The following RERE variants were observed in gnomAD, a reference collection of about 807,000 sequenced individuals.
The protein encoded by RERE is arginine-glutamic acid dipeptide repeats.
In RERE, 40 loss-of-function variants were observed where a neutral mutation model predicts 146.1. That is an observed-to-expected ratio of 0.27 (90% CI 0.21 to 0.36). The LOEUF (loss-of-function observed/expected upper bound fraction) is 0.36. Ranked by LOEUF, RERE falls within the 10% of genes least tolerant of loss-of-function variation. The pLI, the probability that RERE is intolerant of heterozygous loss-of-function variation, is 1.00. For missense variants in RERE, 1,933 were observed against 2,138.7 expected (o/e 0.90, Z 1.90); for synonymous variants, 1,003 against 866.0 (o/e 1.16, Z -2.78).
At chr1:8,635,264 T>TATGATACAG (rs1647083622) in intron 2 of RERE, among the ~76,000 whole-genome samples, 1 of 152,210 alleles carries the variant, frequency 6.6e-6, no homozygotes, top group African/African-American at 2.4e-5. Context: ...TACAGTGATT[T>TATGATACAG]TGCTTTCTGA....
intron 1 of RERE, among the ~76,000 whole-genome samples, chr1:8,771,984 C>T (rs1361772617): frequency 2.0e-5 from 3 of 150,376 alleles, no homozygotes; most frequent in African/African-American, 7.3e-5. Context: ...AACTCTGCTG[C>T]AAACGCTGTT....
intron 11 of RERE, among the ~76,000 whole-genome samples, chr1:8,448,962 C>T (rs970191717): frequency 6.6e-6 from 1 of 152,106 alleles, no homozygotes; most frequent in Non-Finnish European, 1.5e-5. Context: ...CACAGGAAAC[C>T]TCACGCATGA....
intron 1 of RERE, among the ~76,000 whole-genome samples, chr1:8,721,775 A>G (rs1478687569): frequency 6.6e-6 from 1 of 152,168 alleles, no homozygotes; most frequent in Non-Finnish European, 1.5e-5. Context: ...CTCCTTTCTG[A>G]CTGCTTAAAT....
intron 1 of RERE, among the ~76,000 whole-genome samples, chr1:8,725,284 G>A (rs1639937767): frequency 6.6e-6 from 1 of 152,174 alleles, no homozygotes; most frequent in South Asian, 2.1e-4. Context: ...TAACTATTTT[G>A]GCCGGATGCG....
At chr1:8,778,163 T>C (rs990033879) in intron 1 of RERE, among the ~76,000 whole-genome samples, 4 of 152,216 alleles carry the variant, frequency 2.6e-5, no homozygotes, top group African/African-American at 9.6e-5. Flanking sequence ...ATTTATCTAT[T>C]AGACAGTGAG....
intron 1 of RERE, among the ~76,000 whole-genome samples, chr1:8,668,605 A>G (rs935719341): frequency 3.3e-5 from 5 of 152,224 alleles, no homozygotes; most frequent in Admixed American, 2.6e-4. Context: ...TAGTATACAT[A>G]CACACAATAA....
intron 4 of RERE, among the ~76,000 whole-genome samples, chr1:8,595,539 ATTATT>A (rs1311459668): frequency 2.0e-5 from 3 of 151,440 alleles, no homozygotes; most frequent in African/African-American, 4.8e-5. Flanking sequence ...ATTTTAATGT[ATTATT>A]TTAATTGTAT....
At chr1:8,648,847 G>A (rs1647452354) in intron 2 of RERE, among the ~76,000 whole-genome samples, 1 of 151,560 alleles carries the variant, frequency 6.6e-6, no homozygotes, top group African/African-American at 2.4e-5. Flanking sequence ...GGACTATAGG[G>A]TAAATAGGAC....
At chr1:8,683,154 G>T (rs578207188) in intron 1 of RERE, among the ~76,000 whole-genome samples, 1 of 151,350 alleles carries the variant, frequency 6.6e-6, no homozygotes, top group African/African-American at 2.4e-5. Context: ...CCAAATGCCT[G>T]AAGAATTAAT....
intron 1 of RERE, among the ~76,000 whole-genome samples, chr1:8,787,178 C>G (rs1297528800): frequency 2.0e-5 from 3 of 152,234 alleles, no homozygotes; most frequent in Non-Finnish European, 2.9e-5. Context: ...CTTGACCAAA[C>G]CAGCAGGCTT....
In RERE at chr1:8,805,464, C is replaced by G. The variant is rs138287087; in HGVS notation, c.-145+11696G>C. On this transcript the variant is annotated intron_variant, in intron 1 of 22. Coordinates refer to ENST00000400908, the MANE Select transcript of RERE (RefSeq NM_001042681.2). Reference sequence around the variant, plus strand: ...AGGAGTTCCAGACCAGCCTGGTCAACATGGTGAAACCTCACCTCTACTAAA... The same window carrying G: ...AGGAGTTCCAGACCAGCCTGGTCAAGATGGTGAAACCTCACCTCTACTAAA... Among the ~76,000 whole-genome samples the G allele has an allele frequency of 1.4e-3, 216 of 152,078 alleles. 1 individual carries two copies. Among genetic ancestry groups the G allele is most frequent in the African/African-American group, 4.9e-3 (203 of 41,492 alleles).
chr1:8,552,283 C>T (rs985646568), intron 6 of RERE, among the ~76,000 whole-genome samples: 3 of 152,226 alleles, frequency 2.0e-5, no homozygotes, highest in African/African-American at 7.2e-5. Context: ...AAACCTTATA[C>T]ATCAGTTTCC....
chr1:8,378,449 G>A (rs1317310719), intron 12 of RERE, among the ~76,000 whole-genome samples: 1 of 152,058 alleles, frequency 6.6e-6, no homozygotes, highest in Non-Finnish European at 1.5e-5. Context: ...TAACCCCCAG[G>A]GCCTCTCAAT....
intron 4 of RERE, among the ~76,000 whole-genome samples, chr1:8,585,245 T>C (rs1390886279): frequency 1.3e-5 from 2 of 151,782 alleles, no homozygotes; most frequent in African/African-American, 4.8e-5. Context: ...GAGATAGAGA[T>C]GGAAATAGCT....
intron 1 of RERE, among the ~76,000 whole-genome samples, chr1:8,734,848 G>A (rs1405105210): frequency 3.3e-5 from 5 of 152,040 alleles, no homozygotes; most frequent in Non-Finnish European, 7.4e-5. Context: ...TTCTCTGTCT[G>A]GAATGGCCTT....
intron 1 of RERE, among the ~76,000 whole-genome samples, chr1:8,801,336 C>G (rs1360877933): frequency 6.6e-6 from 1 of 151,598 alleles, no homozygotes; most frequent in Non-Finnish European, 1.5e-5. Flanking sequence ...ATGGCACAGT[C>G]TCGGATCACC....
chr1:8,360,898 T>TGTGGGGGGCCTGGGTGCTGCA lies in RERE; in HGVS notation c.2588_2608dup (p.Leu863_Pro869dup), dbSNP rs1263826681. On this transcript the variant is annotated inframe_insertion, in exon 18 of 23. Transcript: ENST00000400908. ...GGCCTGGGGAGGGAGGCCAAAGGGC[T>TGTGGGGGGCCTGGGTGCTGCA]GTGGGGGGCCTGGGTGCTGCAGCAG... The TGTGGGGGGCCTGGGTGCTGCA allele has an allele frequency of 3.1e-5, 47 of 1,502,074 alleles. No individual in the cohort carries two copies. The highest frequency in any genetic ancestry group is 4.1e-5 in the Non-Finnish European group (46 of 1,132,316). The allele number at this position is 1,502,074 out of a possible 1,614,324, so 93.0% of individuals were successfully genotyped here.
chr1:8,394,212 A>G (rs1327573903), intron 12 of RERE, among the ~76,000 whole-genome samples: 1 of 152,238 alleles, frequency 6.6e-6, no homozygotes, highest in African/African-American at 2.4e-5. Context: ...TCCAATGTAA[A>G]CAGACACAAT....
chr1:8,368,970 C>A (rs954533945), intron 12 of RERE, among the ~76,000 whole-genome samples: 6 of 151,944 alleles, frequency 3.9e-5, no homozygotes, highest in African/African-American at 9.7e-5. Flanking sequence ...GAGATCAAGG[C>A]AGGAGGATTG....
Sources: allele counts gnomAD v4.1 joint callset (sites outside exome capture counted in the v4.1 genomes callset), GRCh38; gene constraint gnomAD v4.1.1; transcripts MANE v1.5; gene names NCBI Gene and HGNC (gene_info 2026-07-23, HGNC 2026-07-21).